Variants in MYO16 observed in about 807,000 individuals in gnomAD.
MYO16 encodes the protein myosin XVI.
MYO16 carries 94 observed loss-of-function variants against 205.3 expected under a neutral mutation model. That is an observed-to-expected ratio of 0.46 (90% CI 0.39 to 0.54). The LOEUF is 0.54. MYO16 is among the 20% of genes least tolerant of loss of function. The probability of loss-of-function intolerance (pLI) is 0.00; values close to 1 mark genes in which losing one functional copy is unlikely to be tolerated. For synonymous variants in MYO16, 988 were observed against 954.0 expected, an observed-to-expected ratio of 1.04 and a Z score of -0.66; for missense variants, 2,315 against 2,387.5, an observed-to-expected ratio of 0.97 and a Z score of 0.63.
At chr13:108,499,649 A>T in the MYO16 span, among the ~76,000 whole-genome samples, 1 of 152,218 alleles carries the variant, frequency 6.6e-6, no homozygotes, top group African/African-American at 2.4e-5. Context: ...ATTAATTCCA[A>T]GGAAGTTTAG....
At chr13:108,660,733 G>GTTATTCTACA (rs1341134980) in intron 1 of MYO16, among the ~76,000 whole-genome samples, 1 of 152,152 alleles carries the variant, frequency 6.6e-6, no homozygotes, top group Non-Finnish European at 1.5e-5. Flanking sequence ...ACATTCTGTA[G>GTTATTCTACA]TTCTGTGTCT....
Position 108,962,445 on chromosome 13 carries a change from CA to C in MYO16, c.2179del (p.Thr727GlnfsTer8). 1 of 1,601,300 alleles carries C rather than the reference CA, an allele frequency of 6.2e-7. No individual in the cohort carries two copies. Among genetic ancestry groups the C allele is most frequent in the Non-Finnish European group, 8.5e-7 (1 of 1,176,234 alleles). Reference sequence around the variant, plus strand: ...TTAGTGGCTGGAATGTTACAAGTATCAACAGATGAATTGGCATCTGCCTTAA... The same window carrying C: ...TTAGTGGCTGGAATGTTACAAGTATCACAGATGAATTGGCATCTGCCTTAA... ...LEQVAGMLQV[S>X]TDELASALTT... On this transcript the variant is annotated frameshift_variant, in exon 19 of 35. Coordinates refer to ENST00000457511, the MANE Select transcript of MYO16 (RefSeq NM_001198950.3). LOFTEE classifies it high-confidence loss of function.
At chr13:108,745,881 G>A (rs9301315) in intron 4 of MYO16, among the ~76,000 whole-genome samples, 4,549 of 152,178 alleles carry the variant, frequency 0.03, 219 homozygotes, top group African/African-American at 0.1. Context: ...TAAATCAAAA[G>A]CACTGCAACA....
chr13:109,009,071 A>G, intron 22 of MYO16, 22 bp downstream of exon 22: 2 of 1,550,696 alleles, frequency 1.3e-6, no homozygotes, highest in South Asian at 1.2e-5. Context: ...ATATAATTAG[A>G]TACTTAACAG....
Position 109,055,857 on chromosome 13 carries a change from G to T in MYO16, c.3335+262G>T. On this transcript the variant is annotated intron_variant, in intron 27 of 34. Transcript: ENST00000457511. This position sits in a 1 kb window ranked among gnomAD's most constrained non-coding sequence, Gnocchi z 5.0. ...TTCCTTTCAAAGTGTGGCTTTCCTTGGATTAAAGTTTTGTAAAATGATTGC... is the reference window on the plus strand; with the variant it reads ...TTCCTTTCAAAGTGTGGCTTTCCTTTGATTAAAGTTTTGTAAAATGATTGC... 3.2e-6 allele frequency: 1 copy of T among 313,652 alleles called. No homozygotes were observed. The allele number at this position is 313,652 out of a possible 1,614,324, so 19.4% of individuals were successfully genotyped here. A position where few individuals can be genotyped will look rare whatever the true frequency, so the allele number is the denominator to read the frequency against.
At chr13:108,854,348 C>T (rs925264371) in intron 10 of MYO16, among the ~76,000 whole-genome samples, 3 of 152,106 alleles carry the variant, frequency 2.0e-5, no homozygotes, top group South Asian at 2.1e-4. Context: ...AAAATAAGCC[C>T]ACTTTATGAA....
At chr13:108,886,551 G>A in intron 13 of MYO16, 2 of 454,156 alleles carry the variant, frequency 4.4e-6, no homozygotes, top group Non-Finnish European at 8.8e-6. Flanking sequence ...CTTCTCAGTT[G>A]AATACCACCA....
chr13:108,517,325 G>A, the MYO16 span, among the ~76,000 whole-genome samples: 1 of 151,952 alleles, frequency 6.6e-6, no homozygotes, highest in African/African-American at 2.4e-5. Context: ...AGAAAGGGAG[G>A]GTGAAATCAT....
chr13:108,577,702 G>T, the MYO16 span, among the ~76,000 whole-genome samples: 9 of 152,284 alleles, frequency 5.9e-5, no homozygotes, highest in Middle Eastern at 3.4e-3. Context: ...ACTTTGCACT[G>T]ACTACAAGAC....
chr13:108,806,893 G>A (rs867501701), intron 7 of MYO16, 89 bp downstream of exon 7: 37 of 982,642 alleles, frequency 3.8e-5, no homozygotes, highest in East Asian at 1.9e-4. Flanking sequence ...TTTAAATTAC[G>A]TACTAATCAT....
chr13:108,864,490 T>G (rs1878607414), intron 11 of MYO16, among the ~76,000 whole-genome samples: 1 of 152,136 alleles, frequency 6.6e-6, no homozygotes. Flanking sequence ...AATTGTATAT[T>G]TTTAAGGGAT....
At chr13:109,148,047 C>T (rs1314341451) in intron 32 of MYO16, among the ~76,000 whole-genome samples, 1 of 152,104 alleles carries the variant, frequency 6.6e-6, no homozygotes, top group Non-Finnish European at 1.5e-5. Flanking sequence ...TTCTTTGCCT[C>T]TCTGTAGTAG....
chr13:108,947,637 G>A (rs1403002585), intron 16 of MYO16, among the ~76,000 whole-genome samples: 5 of 152,242 alleles, frequency 3.3e-5, no homozygotes, highest in Middle Eastern at 3.4e-3. Context: ...CCCCTTAACC[G>A]TTGTCCAGGG....
chr13:108,634,557 A>G, intron 1 of MYO16, among the ~76,000 whole-genome samples: 1 of 152,116 alleles, frequency 6.6e-6, no homozygotes, highest in South Asian at 2.1e-4. Flanking sequence ...ACGATTGCCC[A>G]TGCCCGTGGC....
chr13:108,936,505 G>A (rs1882497344), intron 16 of MYO16, among the ~76,000 whole-genome samples: 1 of 151,984 alleles, frequency 6.6e-6, no homozygotes, highest in Non-Finnish European at 1.5e-5. Flanking sequence ...TCTAGTTTGT[G>A]CACATAGAGC....
intron 21 of MYO16, among the ~76,000 whole-genome samples, chr13:109,002,587 C>T (rs1218539464): frequency 6.6e-6 from 1 of 152,188 alleles, no homozygotes; most frequent in African/African-American, 2.4e-5. Context: ...ACCTTTCACC[C>T]ACATTCACGT....
intron 32 of MYO16, among the ~76,000 whole-genome samples, chr13:109,161,021 A>G (rs923273188): frequency 2.0e-5 from 3 of 152,202 alleles, no homozygotes; most frequent in East Asian, 1.9e-4. Flanking sequence ...TGTTGAATCT[A>G]GAAATTAACA....
intron 3 of MYO16, among the ~76,000 whole-genome samples, chr13:108,716,405 G>A (rs1883946575): frequency 6.6e-6 from 1 of 152,226 alleles, no homozygotes; most frequent in South Asian, 2.1e-4. Context: ...GTTATGCAAA[G>A]GTTGTGAGAC....
At chr13:108,541,778 G>T in the MYO16 span, among the ~76,000 whole-genome samples, 1 of 152,076 alleles carries the variant, frequency 6.6e-6, no homozygotes, top group Admixed American at 6.6e-5. Context: ...TCTCTCAACA[G>T]TCAAATGGCT....
Sources: gnomAD v4.1 joint callset for allele counts (sites outside exome capture counted in the v4.1 genomes callset) on GRCh38, gnomAD v4.1.1 for gene constraint, Gnocchi (gnomAD v3.1) non-coding constraint, MANE v1.5 for transcripts, NCBI Gene and HGNC (gene_info 2026-07-23, HGNC 2026-07-21) for gene names.